Variants in GPR158 observed in about 807,000 individuals in gnomAD.
The protein encoded by GPR158 is metabotropic glycine receptor.
GPR158 carries 30 observed loss-of-function variants against 78.2 expected under a neutral mutation model. The ratio of observed to expected loss-of-function variants is 0.38; its 90% CI spans 0.29 to 0.52. The LOEUF is 0.52. Among genes scored for constraint, GPR158 ranks in the 20% least tolerant of loss-of-function variants. The probability of loss-of-function intolerance (pLI) is 0.83; values close to 1 mark genes in which losing one functional copy is unlikely to be tolerated. For synonymous variants in GPR158, 581 were observed against 591.1 expected (o/e 0.98, Z 0.25); for missense variants, 1,463 against 1,523.5 (o/e 0.96, Z 0.66).
intron 1 of GPR158, among the ~76,000 whole-genome samples, chr10:25,201,015 T>A (rs1417120857): frequency 1.3e-5 from 2 of 151,926 alleles, no homozygotes; most frequent in Admixed American, 6.6e-5. Flanking sequence ...TCCATATGAA[T>A]TTTAAAACCT....
At chr10:25,307,327 C>G (rs977300112) in intron 2 of GPR158, among the ~76,000 whole-genome samples, 1 of 149,834 alleles carries the variant, frequency 6.7e-6, no homozygotes, top group Non-Finnish European at 1.5e-5. Flanking sequence ...ACACACACTC[C>G]TTTTTCTTTC....
intron 4 of GPR158, among the ~76,000 whole-genome samples, chr10:25,426,769 G>C (rs564262900): frequency 6.7e-6 from 1 of 150,314 alleles, no homozygotes; most frequent in Admixed American, 6.7e-5. Context: ...ATGTGACACA[G>C]AGACGAGAAG....
Position 25,473,350 on chromosome 10 carries a change from G to A in GPR158, c.1404+6631G>A, listed in dbSNP as rs193240168. On this transcript the variant is annotated intron_variant, in intron 5 of 10. Transcript: ENST00000376351. The stretch of plus-strand genomic sequence containing the variant: ...AGCTTTTTGATGTGCTGCTGGATTC[G>A]GTTCGCCAGTATTTTATTGAGGATT... Among the ~76,000 whole-genome samples, 21 of 152,178 alleles carry A rather than the reference G, an allele frequency of 1.4e-4. No individual in the cohort carries two copies. The South Asian group carries it at 2.5e-3, about 18-fold the overall frequency.
intron 7 of GPR158, 79 bp downstream of exon 7, chr10:25,572,966 A>G: frequency 1.2e-6 from 1 of 856,246 alleles, no homozygotes; most frequent in South Asian, 1.4e-5. Flanking sequence ...AAGTCTTGCC[A>G]GACTCTTTAG....
At chr10:25,558,556 C>T (rs1304634075) in intron 6 of GPR158, among the ~76,000 whole-genome samples, 1 of 152,136 alleles carries the variant, frequency 6.6e-6, no homozygotes, top group Non-Finnish European at 1.5e-5. Context: ...TCGCCTGGGC[C>T]CAGAGTCAGG....
At chr10:25,478,520 G>C (rs960330886) in intron 5 of GPR158, among the ~76,000 whole-genome samples, 1 of 145,218 alleles carries the variant, frequency 6.9e-6, no homozygotes, top group Non-Finnish European at 1.5e-5. Context: ...GTGTGTGTGT[G>C]TGTGTGTAGA....
At chr10:25,596,892 G>T in intron 10 of GPR158, 103 bp downstream of exon 10, 1 of 888,298 alleles carries the variant, frequency 1.1e-6, no homozygotes, top group Non-Finnish European at 1.8e-6. Context: ...GTACACTCAT[G>T]TTTGTGCATG....
intron 2 of GPR158, among the ~76,000 whole-genome samples, chr10:25,326,522 T>C (rs1342928056): frequency 2.6e-5 from 4 of 152,198 alleles, no homozygotes; most frequent in African/African-American, 9.6e-5. Flanking sequence ...TCCTTTGCTG[T>C]GCACGATCTC....
chr10:25,398,540 G>C (rs1467896159), intron 3 of GPR158, among the ~76,000 whole-genome samples: 2 of 152,180 alleles, frequency 1.3e-5, no homozygotes, highest in Non-Finnish European at 2.9e-5. Flanking sequence ...AAATATTGTA[G>C]AATCAGAGAA....
intron 2 of GPR158, among the ~76,000 whole-genome samples, chr10:25,301,723 T>A (rs927175167): frequency 7.1e-6 from 1 of 140,588 alleles, no homozygotes; most frequent in African/African-American, 3.2e-5. Flanking sequence ...GATTCTAGAA[T>A]AGACTTAAAA....
At chr10:25,482,418 T>G (rs1835674335) in intron 5 of GPR158, among the ~76,000 whole-genome samples, 1 of 152,086 alleles carries the variant, frequency 6.6e-6, no homozygotes, top group Non-Finnish European at 1.5e-5. Flanking sequence ...CCTGGCCTTA[T>G]GTAATCCTCT....
chr10:25,464,386 G>A (rs1034106434), intron 4 of GPR158, among the ~76,000 whole-genome samples: 1 of 152,060 alleles, frequency 6.6e-6, no homozygotes, highest in Non-Finnish European at 1.5e-5. Flanking sequence ...GGGTCATTTT[G>A]GATCCCAAGC....
chr10:25,182,779 A>G (rs922488012), intron 1 of GPR158, among the ~76,000 whole-genome samples: 1 of 152,234 alleles, frequency 6.6e-6, no homozygotes, highest in Non-Finnish European at 1.5e-5. Flanking sequence ...GCCAAGGCGT[A>G]TGTTGTTGAT....
chr10:25,346,646 T>C (rs1484483165), intron 2 of GPR158, among the ~76,000 whole-genome samples: 2 of 151,936 alleles, frequency 1.3e-5, no homozygotes, highest in Non-Finnish European at 1.5e-5. Context: ...CCATTTCTGA[T>C]ATAAGTTATT....
In GPR158 at chr10:25,175,385, C is replaced by G. The variant is rs748141703; in HGVS notation, c.-36C>G. The G allele has an allele frequency of 3.1e-6, 4 of 1,292,462 alleles. No individual in the cohort carries two copies. The Admixed American group carries it at 6.9e-5, about 22-fold the overall frequency. 80.1% of individuals were successfully genotyped at this position (1,292,462 alleles called of 1,614,324 possible). The stretch of plus-strand genomic sequence containing the variant: ...ATCCAAATTTAAAAAGTGATTCCCC[C>G]CCCTCCCGTTCCCTCCTCTTCTCTC... On this transcript the variant is annotated 5_prime_UTR_variant, in exon 1 of 11. Coordinates refer to ENST00000376351, the MANE Select transcript of GPR158 (RefSeq NM_020752.3). This position sits in a 1 kb window ranked among gnomAD's most constrained non-coding sequence, Gnocchi z 6.4.
intron 4 of GPR158, 50 bp from the exon 5 acceptor site, chr10:25,466,601 C>A: frequency 8.4e-7 from 1 of 1,196,422 alleles, no homozygotes; most frequent in Non-Finnish European, 1.2e-6. Context: ...GTGAATTCTC[C>A]AGGCTTAGAA....
intron 8 of GPR158, 44 bp from the exon 9 acceptor site, chr10:25,594,248 G>T: frequency 1.0e-6 from 1 of 958,690 alleles, no homozygotes; most frequent in South Asian, 1.3e-5. Context: ...GTTCTAAGTA[G>T]AATCTTAATC....
chr10:25,296,089 T>C (rs909867752), intron 2 of GPR158, among the ~76,000 whole-genome samples: 2 of 149,374 alleles, frequency 1.3e-5, no homozygotes, highest in African/African-American at 4.9e-5. Flanking sequence ...GGATGTCAGC[T>C]GAGCTGGGGA....
chr10:25,235,987 C>A (rs1054024099), intron 2 of GPR158, among the ~76,000 whole-genome samples: 2 of 152,070 alleles, frequency 1.3e-5, no homozygotes, highest in African/African-American at 4.8e-5. Context: ...TGAGCCACTG[C>A]GCCTGGCCTG....
Sources: allele counts gnomAD v4.1 joint callset (sites outside exome capture counted in the v4.1 genomes callset), GRCh38; gene constraint gnomAD v4.1.1; non-coding constraint Gnocchi (gnomAD v3.1); transcripts MANE v1.5; gene names NCBI Gene and HGNC (gene_info 2026-07-23, HGNC 2026-07-21).